MKLN1: variants seen among roughly 807,000 people sequenced by gnomAD.
MKLN1 encodes muskelin 1.
A neutral mutation model predicts 99.0 loss-of-function variants in MKLN1; 18 were observed. The observed-to-expected ratio is 0.18, with a 90% confidence interval of 0.13 to 0.27. The LOEUF (loss-of-function observed/expected upper bound fraction) is 0.27. Among genes scored for constraint, MKLN1 ranks in the 10% least tolerant of loss-of-function variants. MKLN1 has a pLI of 1.00. For synonymous variants in MKLN1, 288 were observed against 293.2 expected, an observed-to-expected ratio of 0.98 and a Z score of 0.18; for missense variants, 621 against 875.9, an observed-to-expected ratio of 0.71 and a Z score of 3.67.
At chr7:131,483,520 A>G (rs1323815008) in intron 17 of MKLN1, among the ~76,000 whole-genome samples, 1 of 152,174 alleles carries the variant, frequency 6.6e-6, no homozygotes, top group Non-Finnish European at 1.5e-5. Flanking sequence ...TCCTCATTTA[A>G]TATATATTGT....
chr7:131,289,572 G>A (rs1423026540), intron 3 of MKLN1, among the ~76,000 whole-genome samples: 1 of 152,182 alleles, frequency 6.6e-6, no homozygotes, highest in Non-Finnish European at 1.5e-5. Context: ...AAGCAGCACA[G>A]CATACTTTAG....
Position 131,360,636 on chromosome 7 carries a change from A to G in MKLN1, c.99-14788A>G, listed in dbSNP as rs184875064. Among the ~76,000 whole-genome samples the G allele has an allele frequency of 2.0e-5, 3 of 152,290 alleles. No individual in the cohort carries two copies. In the East Asian group the frequency reaches 5.8e-4, roughly 29 times the overall value. ...CTTACTCATTTATCTACATGCCATA[A>G]TCACTCAATATATTGTTAACATTGT... On this transcript the variant is annotated intron_variant, in intron 1 of 17. Transcript: ENST00000352689.
At chr7:131,325,348 GA>G (rs988940847), upstream of MKLN1, among the ~76,000 whole-genome samples, 15 of 148,796 alleles carry the variant, frequency 1.0e-4, no homozygotes, top group African/African-American at 3.0e-4. Context: ...GCTTGCATAG[GA>G]AAAAAAAAAT....
chr7:131,279,107 T>G (rs1798014815), intron 3 of MKLN1, among the ~76,000 whole-genome samples: 1 of 152,204 alleles, frequency 6.6e-6, no homozygotes, highest in Admixed American at 6.5e-5. Context: ...GTTTCAGACA[T>G]GAGGCTAGAG....
At chr7:131,218,783 C>T (rs1250723587) in intron 3 of MKLN1, among the ~76,000 whole-genome samples, 1 of 151,958 alleles carries the variant, frequency 6.6e-6, no homozygotes, top group Admixed American at 6.6e-5. Context: ...ACCTTCCAAC[C>T]TTCCCCCCGA....
intron 3 of MKLN1, among the ~76,000 whole-genome samples, chr7:131,251,825 A>T (rs1479452278): frequency 6.6e-6 from 1 of 152,100 alleles, no homozygotes; most frequent in African/African-American, 2.4e-5. Context: ...ACATGCCACC[A>T]TGCCCAAGAA....
intron 1 of MKLN1, among the ~76,000 whole-genome samples, chr7:131,350,109 T>C (rs1000759139): frequency 2.6e-5 from 4 of 152,208 alleles, no homozygotes; most frequent in Admixed American, 6.5e-5. Flanking sequence ...CCACCTCTCT[T>C]TCTTCTGGTA....
chr7:131,372,353 A>G (rs1584664256), intron 1 of MKLN1, among the ~76,000 whole-genome samples: 1 of 152,182 alleles, frequency 6.6e-6, no homozygotes, highest in African/African-American at 2.4e-5. Context: ...TGTGATATGA[A>G]AGGAATTTGT....
In MKLN1 at chr7:131,492,736, A is replaced by AAG. The variant is rs1797458388; in HGVS notation, c.*5009_*5010insGA. ...GGCAACAGAGCAAGACCCTGTCTCA[A>AAG]AAAAAAAAAAAAAAAAAGAATGTGA... is the stretch of plus-strand genomic sequence containing the variant. On this transcript the variant is annotated 3_prime_UTR_variant, in exon 18 of 18. Coordinates refer to ENST00000352689, the MANE Select transcript of MKLN1 (RefSeq NM_013255.5). 1.5e-5 allele frequency: 1 copy of AAG among 66,916 alleles called. No individual in the cohort carries two copies. The highest frequency in any genetic ancestry group is 3.1e-5 in the Non-Finnish European group (1 of 32,418). 4.1% of individuals were successfully genotyped at this position (66,916 alleles called of 1,614,324 possible).
chr7:131,375,735 G>A (rs1050535045), intron 2 of MKLN1, among the ~76,000 whole-genome samples: 1 of 151,884 alleles, frequency 6.6e-6, no homozygotes, highest in Admixed American at 6.6e-5. Context: ...GAACAGTTAC[G>A]CTCAAGTTAT....
intron 1 of MKLN1, among the ~76,000 whole-genome samples, chr7:131,374,142 C>CT (rs1160848121): frequency 2.0e-5 from 3 of 152,096 alleles, no homozygotes; most frequent in African/African-American, 7.2e-5. Flanking sequence ...TTAAAAAACA[C>CT]TTTTTTTCTT....
At chr7:131,328,496 G>T (rs1169714844) in intron 1 of MKLN1, among the ~76,000 whole-genome samples, 1 of 152,204 alleles carries the variant, frequency 6.6e-6, no homozygotes, top group Admixed American at 6.5e-5. Context: ...ATTAGCTCTA[G>T]AGTAGTGTTA....
intron 1 of MKLN1, among the ~76,000 whole-genome samples, chr7:131,355,078 C>T (rs1799833630): frequency 6.6e-6 from 1 of 152,052 alleles, no homozygotes. Flanking sequence ...CTGCAGTCAG[C>T]CCACTCTTTT....
intron 13 of MKLN1, 65 bp downstream of exon 13, chr7:131,463,429 A>C (rs1562879073): frequency 2.0e-6 from 3 of 1,481,608 alleles, no homozygotes; most frequent in Non-Finnish European, 2.8e-6. Context: ...TGGTTTATTC[A>C]AAAAAGAGAG....
At chr7:131,400,408 G>A (rs912904184) in intron 6 of MKLN1, among the ~76,000 whole-genome samples, 1 of 151,218 alleles carries the variant, frequency 6.6e-6, no homozygotes, top group African/African-American at 2.4e-5. Context: ...GATTGATGAT[G>A]ATACTTGCAA....
chr7:131,341,167 GA>G (rs1291409486), intron 1 of MKLN1, among the ~76,000 whole-genome samples: 2 of 150,034 alleles, frequency 1.3e-5, no homozygotes, highest in South Asian at 2.1e-4. Flanking sequence ...TTTGTTGGTT[GA>G]TTTTTTTTTT....
intron 3 of MKLN1, among the ~76,000 whole-genome samples, chr7:131,203,577 G>T (rs1431996222): frequency 6.6e-6 from 1 of 152,208 alleles, no homozygotes; most frequent in Non-Finnish European, 1.5e-5. Context: ...GGAAAGCCAA[G>T]AAAACGGACC....
chr7:131,255,855 A>C (rs1346929675), intron 3 of MKLN1, among the ~76,000 whole-genome samples: 3 of 151,412 alleles, frequency 2.0e-5, no homozygotes, highest in African/African-American at 7.3e-5. Flanking sequence ...TGCTGGGATT[A>C]CAGGTGTGAG....
At chr7:131,386,074 C>T (rs982454186) in intron 2 of MKLN1, among the ~76,000 whole-genome samples, 9 of 147,846 alleles carry the variant, frequency 6.1e-5, no homozygotes, top group Non-Finnish European at 1.0e-4. Flanking sequence ...AGTGCAATGG[C>T]GTGATCTTGG....
Sources: gnomAD v4.1 joint callset for allele counts (sites outside exome capture counted in the v4.1 genomes callset) on GRCh38, gnomAD v4.1.1 for gene constraint, MANE v1.5 for transcripts, NCBI Gene and HGNC (gene_info 2026-07-23, HGNC 2026-07-21) for gene names.